IGSF9B: variants seen among roughly 807,000 people sequenced by gnomAD.
The protein encoded by IGSF9B is immunoglobulin superfamily member 9B, also known as protein turtle homolog B.
A neutral mutation model predicts 143.7 loss-of-function variants in IGSF9B; 48 were observed. That is an observed-to-expected ratio of 0.33 (90% CI 0.26 to 0.42). The LOEUF (loss-of-function observed/expected upper bound fraction) is 0.42. Among genes scored for constraint, IGSF9B ranks in the 20% least tolerant of loss-of-function variants. IGSF9B has a pLI of 1.00. For synonymous variants in IGSF9B, 903 were observed against 833.1 expected (o/e 1.08, Z -1.44); for missense variants, 1,706 against 1,980.0 (o/e 0.86, Z 2.63).
chr11:133,943,377 A>G (rs1939988694), intron 3 of IGSF9B, among the ~76,000 whole-genome samples: 1 of 152,192 alleles, frequency 6.6e-6, no homozygotes, highest in African/African-American at 2.4e-5. Flanking sequence ...TCTTTTCTCC[A>G]TGGTTCCAGC....
intron 18 of IGSF9B, chr11:133,919,126 G>GGGGGGGGGA: frequency 2.8e-6 from 1 of 362,534 alleles, no homozygotes. Context: ...TACGGGGGGG[G>GGGGGGGGGA]GGTGGGGGAC....
intron 18 of IGSF9B, among the ~76,000 whole-genome samples, chr11:133,917,822 G>A (rs73032070): frequency 0.16 from 23,596 of 152,070 alleles, 2,310 homozygotes; most frequent in Middle Eastern, 0.22. Flanking sequence ...GCTGCTGGGA[G>A]AATAGGGTGC....
In IGSF9B at chr11:133,945,822, C is replaced by T. The variant is rs1217714266; in HGVS notation, c.262+239G>A. Among the ~76,000 whole-genome samples the T allele has an allele frequency of 6.6e-6, 1 of 152,144 alleles. No homozygotes were observed. The highest frequency in any genetic ancestry group is 1.5e-5 in the Non-Finnish European group (1 of 68,022). ...GCCTCTCCAGCTTCCCCTTTGGCTC[C>T]CAGCCCTCTCCACAGCCCAGGCGGT... On this transcript the variant is annotated intron_variant, in intron 2 of 19. Coordinates refer to ENST00000533871, the MANE Select transcript of IGSF9B (RefSeq NM_001277285.4). This position sits in a 1 kb window ranked among gnomAD's most constrained non-coding sequence, Gnocchi z 4.6.
At chr11:133,937,614 G>A in intron 4 of IGSF9B, 121 bp from the exon 5 acceptor site, 1 of 996,770 alleles carries the variant, frequency 1.0e-6, no homozygotes, top group Non-Finnish European at 1.5e-6. Flanking sequence ...AGATGCATCT[G>A]GGGGACACGA....
At chr11:133,947,083 G>A (rs1940066392) in intron 1 of IGSF9B, among the ~76,000 whole-genome samples, 1 of 152,132 alleles carries the variant, frequency 6.6e-6, no homozygotes, top group Non-Finnish European at 1.5e-5. Flanking sequence ...GTGGGATAGG[G>A]AACACCCACC....
At chr11:133,952,673 T>C (rs1940182657) in intron 1 of IGSF9B, among the ~76,000 whole-genome samples, 1 of 151,962 alleles carries the variant, frequency 6.6e-6, no homozygotes, top group East Asian at 1.9e-4. Flanking sequence ...TGTGCACACA[T>C]ATGCAATGCA....
Position 133,920,582 on chromosome 11 carries a change from C to A in IGSF9B, c.3143G>T (p.Gly1048Val), listed in dbSNP as rs199732960. 3.1e-6 allele frequency: 5 copies of A among 1,613,314 alleles called. No individual in the cohort carries two copies. The highest frequency in any genetic ancestry group is 4.5e-5 in the East Asian group (2 of 44,858). Residue 1048 changes from glycine to valine, a missense_variant, in exon 18 of 20, where the codon GGG becomes GTG. Physicochemically the swap from Gly to Val is moderately radical, Grantham distance 109 (BLOSUM62 -3). Transcript: ENST00000533871. ...CATCATCGCTGGGGTCTCCAGCCCC[C>A]CGAAGGGGAATTCTGGCCGGCCCCA... ...EPWGRPEFPF[G>V]GLETPAMMFP...
At chr11:133,947,031 A>AGGGCTGTCCCCACGTTG (rs1328714586) in intron 1 of IGSF9B, among the ~76,000 whole-genome samples, 1 of 152,198 alleles carries the variant, frequency 6.6e-6, no homozygotes, top group Non-Finnish European at 1.5e-5. Context: ...GGGAGATCCC[A>AGGGCTGTCCCCACGTTG]GGGCTGTCCC....
At chr11:133,947,477 C>G (rs908181924) in intron 1 of IGSF9B, among the ~76,000 whole-genome samples, 2 of 152,210 alleles carry the variant, frequency 1.3e-5, no homozygotes. Context: ...GCTGCAGTAC[C>G]GAAGCGGCAG....
Position 133,908,951 on chromosome 11 carries a change from A to G in IGSF9B, c.*118T>C. The stretch of plus-strand genomic sequence containing the variant: ...CACCCGCTCTGGCAAAAGAGGGGGC[A>G]TGCAGGACAAAGGTCTGGGCCGCCC... On this transcript the variant is annotated 3_prime_UTR_variant, in exon 20 of 20. Coordinates refer to ENST00000533871, the MANE Select transcript of IGSF9B (RefSeq NM_001277285.4). 1.2e-6 allele frequency: 1 copy of G among 837,506 alleles called. No homozygotes were observed. The highest frequency in any genetic ancestry group is 1.8e-6 in the Non-Finnish European group (1 of 541,400). The allele number at this position is 837,506 out of a possible 1,614,324, so 51.9% of individuals were successfully genotyped here. A position where few individuals can be genotyped will look rare whatever the true frequency, so the allele number is the denominator to read the frequency against.
rs1409591907 is a variant in IGSF9B at position 133,902,487 on chromosome 11, C to CACCACACACA, written c.*6581_*6582insTGTGTGTGGT. ...AGATACACACACCACACACAACACA[C>CACCACACACA]ACACACACCAGACATGCACACCACA... is the stretch of plus-strand genomic sequence containing the variant. On this transcript the variant is annotated 3_prime_UTR_variant, in exon 20 of 20. Coordinates refer to ENST00000533871, the MANE Select transcript of IGSF9B (RefSeq NM_001277285.4). 6.9e-6 allele frequency among the ~76,000 whole-genome samples: 1 copy of CACCACACACA among 144,636 alleles called. No homozygotes were observed. The highest frequency in any genetic ancestry group is 1.5e-5 in the Non-Finnish European group (1 of 65,096). The allele number at this position is 144,636 out of a possible 152,430, so 94.9% of individuals were successfully genotyped here.
In IGSF9B at chr11:133,905,388, A is replaced by G. The variant is rs936212204; in HGVS notation, c.*3681T>C. Among the ~76,000 whole-genome samples, 4 of 151,990 alleles carry G rather than the reference A, an allele frequency of 2.6e-5. No homozygotes were observed. Among genetic ancestry groups the G allele is most frequent in the African/African-American group, 9.7e-5 (4 of 41,352 alleles). ...TGAAATCTGTTTCTCCCTAGAAGCT[A>G]CTGTTTCGTCAACCTTGTCCCCCAC... On this transcript the variant is annotated 3_prime_UTR_variant, in exon 20 of 20. Coordinates refer to ENST00000533871, the MANE Select transcript of IGSF9B (RefSeq NM_001277285.4). The surrounding 1 kb of genome is among the most constrained non-coding windows in gnomAD (Gnocchi z 4.0).
At chr11:133,910,260 T>C (rs190933236) in intron 19 of IGSF9B, among the ~76,000 whole-genome samples, 1 of 152,320 alleles carries the variant, frequency 6.6e-6, no homozygotes, top group African/African-American at 2.4e-5. Flanking sequence ...TGCCGCTACG[T>C]GTCCTGCAGT....
At position 133,931,596 on chromosome 11, in the gene IGSF9B, G is replaced by C. The variant is rs752758814; in HGVS notation, c.1252-27C>G. On this transcript the variant is annotated intron_variant, in intron 9 of 19. Coordinates refer to ENST00000533871, the MANE Select transcript of IGSF9B (RefSeq NM_001277285.4). The surrounding 1 kb of genome is among the most constrained non-coding windows in gnomAD (Gnocchi z 7.7). ...TGGGGAGGAAAGCACAGGCACCCTCGTGAGGCCGGGGATCCAGGTGCCCAG... is the reference window on the plus strand; with the variant it reads ...TGGGGAGGAAAGCACAGGCACCCTCCTGAGGCCGGGGATCCAGGTGCCCAG... The C allele has an allele frequency of 9.9e-6, 16 of 1,610,700 alleles. No individual in the cohort carries two copies. In the Admixed American group the frequency reaches 2.7e-4, roughly 27 times the overall value.
At chr11:133,940,137 C>A (rs1414560057) in intron 3 of IGSF9B, among the ~76,000 whole-genome samples, 18 of 139,130 alleles carry the variant, frequency 1.3e-4, no homozygotes, top group African/African-American at 4.8e-4. Context: ...TCCTCGCACG[C>A]GTCATCGCAC....
At chr11:133,910,582 G>A (rs1056102679) in intron 19 of IGSF9B, among the ~76,000 whole-genome samples, 1 of 152,170 alleles carries the variant, frequency 6.6e-6, no homozygotes, top group Non-Finnish European at 1.5e-5. Context: ...CAGACCTGGA[G>A]AGGCTGATCA....
In IGSF9B at chr11:133,931,389, C is replaced by T; in HGVS notation, c.1368+64G>A. ...CTCGCTGGGCCCTCAAACCTCCCCG[C>T]AGCCCCAGGGCTCCCTGGGCCCTCA... On this transcript the variant is annotated intron_variant, in intron 10 of 19. Coordinates refer to ENST00000533871, the MANE Select transcript of IGSF9B (RefSeq NM_001277285.4). The surrounding 1 kb of genome is among the most constrained non-coding windows in gnomAD (Gnocchi z 7.7). 1.6e-6 allele frequency: 2 copies of T among 1,230,092 alleles called. No homozygotes were observed. The highest frequency in any genetic ancestry group is 2.3e-6 in the Non-Finnish European group (2 of 857,848). 76.2% of individuals were successfully genotyped at this position (1,230,092 alleles called of 1,614,324 possible). A position where few individuals can be genotyped will look rare whatever the true frequency, so the allele number is the denominator to read the frequency against.
Position 133,919,771 on chromosome 11 carries a change from C to T in IGSF9B, c.3954G>A (p.Glu1318=). 3 of 1,482,240 alleles carry T rather than the reference C, an allele frequency of 2.0e-6. No homozygotes were observed. The highest frequency in any genetic ancestry group is 2.7e-6 in the Non-Finnish European group (3 of 1,113,754). The allele number at this position is 1,482,240 out of a possible 1,614,324, so 91.8% of individuals were successfully genotyped here. A position where few individuals can be genotyped will look rare whatever the true frequency, so the allele number is the denominator to read the frequency against. The change falls in exon 18 of 20, where the codon GAG becomes GAA. Residue 1318 remains glutamate, a synonymous_variant. Transcript: ENST00000533871. ...AAGTAGGTAACGTGGGTGGTGGGGT[C>T]TCCGGTCGGAGCAATTCCTCCCCCG... is the stretch of plus-strand genomic sequence containing the variant. ...RRTGEELLRP[E]TPPPTLPTSG...
intron 18 of IGSF9B, among the ~76,000 whole-genome samples, chr11:133,917,280 G>A (rs1302514056): frequency 1.3e-5 from 2 of 152,166 alleles, no homozygotes; most frequent in Non-Finnish European, 2.9e-5. Flanking sequence ...GCTTCGGGTG[G>A]CCCTGAGTCT....
Sources: gnomAD v4.1 joint callset for allele counts (sites outside exome capture counted in the v4.1 genomes callset) on GRCh38, gnomAD v4.1.1 for gene constraint, Gnocchi (gnomAD v3.1) non-coding constraint, MANE v1.5 for transcripts, NCBI Gene and HGNC (gene_info 2026-07-23, HGNC 2026-07-21) for gene names.